The following PHACTR2 variants were observed in gnomAD, a reference collection of about 807,000 sequenced individuals.
The protein encoded by PHACTR2 is phosphatase and actin regulator 2.
PHACTR2 carries 30 observed loss-of-function variants against 76.0 expected under a neutral mutation model. That is an observed-to-expected ratio of 0.39 (90% CI 0.30 to 0.54). The LOEUF is 0.54. PHACTR2 is among the 20% of genes least tolerant of loss of function. The pLI, the probability that PHACTR2 is intolerant of heterozygous loss-of-function variation, is 0.61. For synonymous variants in PHACTR2, 292 were observed against 292.5 expected, an observed-to-expected ratio of 1.00 and a Z score of 0.02; for missense variants, 696 against 781.1, an observed-to-expected ratio of 0.89 and a Z score of 1.30.
chr6:143,790,737 G>C (rs916378563), intron 11 of PHACTR2, among the ~76,000 whole-genome samples: 1 of 149,304 alleles, frequency 6.7e-6, no homozygotes, highest in Non-Finnish European at 1.5e-5. Flanking sequence ...GCTGTGGCTC[G>C]ATCTCAGCTC....
In PHACTR2 at chr6:143,583,623, T is replaced by A. The variant is rs1283911371; in HGVS notation, c.217+46416T>A. Among the ~76,000 whole-genome samples the A allele has an allele frequency of 6.6e-6, 1 of 152,268 alleles. No homozygotes were observed. The highest frequency in any genetic ancestry group is 2.4e-5 in the African/African-American group (1 of 41,476). ...AGAGAGCGAGGGCTAAAGTAGAGAC[T>A]GTAGATATTATGTGCCTAATACTGT... On this transcript the variant is annotated intron_variant, in intron 1 of 11. Transcript: ENST00000367584. This position sits in a 1 kb window ranked among gnomAD's most constrained non-coding sequence, Gnocchi z 4.0.
At chr6:143,651,042 C>CT (rs775498270) in intron 1 of PHACTR2, among the ~76,000 whole-genome samples, 2 of 151,644 alleles carry the variant, frequency 1.3e-5, no homozygotes, top group Admixed American at 6.6e-5. Flanking sequence ...TGAACAGACA[C>CT]TTTTTTTAAA....
At chr6:143,712,239 G>A in intron 2 of PHACTR2, 56 bp downstream of exon 2, 2 of 1,199,524 alleles carry the variant, frequency 1.7e-6, no homozygotes, top group South Asian at 2.5e-5. Context: ...GTTTTAAAAG[G>A]TAGAAAATTA....
intron 11 of PHACTR2, among the ~76,000 whole-genome samples, chr6:143,797,836 C>A (rs987366834): frequency 4.6e-5 from 7 of 152,174 alleles, no homozygotes; most frequent in African/African-American, 1.7e-4. Context: ...TAGCAAGATG[C>A]CTCCAGCTTT....
In PHACTR2 at chr6:143,623,027, G is replaced by C. The variant is rs1776184992; in HGVS notation, c.13+14705G>C. 6.6e-6 allele frequency among the ~76,000 whole-genome samples: 1 copy of C among 152,120 alleles called. No homozygotes were observed. The highest frequency in any genetic ancestry group is 6.5e-5 in the Admixed American group (1 of 15,270). On this transcript the variant is annotated intron_variant, in intron 1 of 11. Coordinates refer to the PHACTR2 transcript ENST00000305766. The surrounding 1 kb of genome is among the most constrained non-coding windows in gnomAD (Gnocchi z 5.9). ...GTGACATTGTTTATCCATTTGCTTT[G>C]AACTTTTCAGATTACCTTCCCTAAC...
chr6:143,552,573 A>G (rs1775108305), intron 1 of PHACTR2, among the ~76,000 whole-genome samples: 1 of 152,180 alleles, frequency 6.6e-6, no homozygotes, highest in South Asian at 2.1e-4. Context: ...TATGGATAAT[A>G]TTAAGCATGT....
chr6:143,814,360 A>G (rs1001623615), intron 12 of PHACTR2, among the ~76,000 whole-genome samples: 1 of 152,144 alleles, frequency 6.6e-6, no homozygotes, highest in Non-Finnish European at 1.5e-5. Flanking sequence ...ATAATAATAA[A>G]TCATAAGGAA....
rs931215088 is a variant in PHACTR2 at position 143,783,393 on chromosome 6, T to C, written c.1707+113T>C. 2 of 630,962 alleles carry C rather than the reference T, an allele frequency of 3.2e-6. No individual in the cohort carries two copies. Among genetic ancestry groups the C allele is most frequent in the Non-Finnish European group, 5.6e-6 (2 of 357,656 alleles). The allele number at this position is 630,962 out of a possible 1,614,324, so 39.1% of individuals were successfully genotyped here. On this transcript the variant is annotated intron_variant, in intron 10 of 12. Coordinates refer to ENST00000440869, the MANE Select transcript of PHACTR2 (RefSeq NM_001100164.2). The surrounding 1 kb of genome is among the most constrained non-coding windows in gnomAD (Gnocchi z 5.2). ...AGATGTTTAGAAATAATTATTCCTA[T>C]TAGTCTATAATCATAGACATCAAAA...
intron 1 of PHACTR2, among the ~76,000 whole-genome samples, chr6:143,705,420 G>C (rs1367428939): frequency 4.7e-5 from 7 of 149,866 alleles, no homozygotes; most frequent in Non-Finnish European, 1.5e-5. Context: ...TCAGCCTCCC[G>C]AGTAGCTGGG....
In PHACTR2 at chr6:143,760,458, C is replaced by T. The variant is rs1562296472; in HGVS notation, c.512C>T (p.Pro171Leu). Reference protein sequence around the residue: ...PAAPALPPSAPPKPRPKPKPK... With the variant: ...PAAPALPPSALPKPRPKPKPK... The stretch of plus-strand genomic sequence containing the variant: ...GCTCCTGCTCTACCTCCTTCTGCTC[C>T]TCCTAAGCCTAGACCCAAACCTAAA... Residue 171 changes from proline (P) to leucine (L), a missense_variant, in exon 5 of 13, where the codon CCT (proline) becomes CTT (leucine). Pro to Leu is a moderately conservative substitution (Grantham distance 98). Coordinates refer to ENST00000440869, the MANE Select transcript of PHACTR2 (RefSeq NM_001100164.2). The surrounding 1 kb of genome is among the most constrained non-coding windows in gnomAD (Gnocchi z 6.4). 6.2e-6 allele frequency: 10 copies of T among 1,613,670 alleles called. No individual in the cohort carries two copies. Among genetic ancestry groups the T allele is most frequent in the Non-Finnish European group, 8.5e-6 (10 of 1,179,640 alleles).
intron 1 of PHACTR2, among the ~76,000 whole-genome samples, chr6:143,612,776 T>G (rs886319450): frequency 8.6e-5 from 13 of 151,666 alleles, no homozygotes; most frequent in African/African-American, 3.1e-4. Flanking sequence ...AGAACAGATT[T>G]TCTTTTAAAT....
Position 143,827,758 on chromosome 6 carries a change from T to C in PHACTR2, c.*4069T>C, listed in dbSNP as rs1462588996. The C allele has an allele frequency of 6.6e-6, 1 of 152,220 alleles. No homozygotes were observed. Among genetic ancestry groups the C allele is most frequent in the Non-Finnish European group, 1.5e-5 (1 of 68,034 alleles). The allele number at this position is 152,220 out of a possible 1,614,324, so 9.4% of individuals were successfully genotyped here. On this transcript the variant is annotated 3_prime_UTR_variant, in exon 13 of 13. Transcript: ENST00000440869. ...CTTGACCTCTTGAAATGGCTAGATC[T>C]TTCACTACTGTGTAGGTAGTCTCTA...
In PHACTR2 at chr6:143,795,582, G is replaced by T. The variant is rs1775805689; in HGVS notation, c.1845+6672G>T. ...AGAGGTGAGGTCAGAGAAGGCCATT[G>T]AATTGGCCTGAAGACCTAGGCTTGC... On this transcript the variant is annotated intron_variant, in intron 11 of 12. Coordinates refer to ENST00000440869, the MANE Select transcript of PHACTR2 (RefSeq NM_001100164.2). This position sits in a 1 kb window ranked among gnomAD's most constrained non-coding sequence, Gnocchi z 4.8. Among the ~76,000 whole-genome samples the T allele has an allele frequency of 6.6e-6, 1 of 152,210 alleles. No homozygotes were observed. Among genetic ancestry groups the T allele is most frequent in the South Asian group, 2.1e-4 (1 of 4,826 alleles).
rs969517244 is a variant in PHACTR2, at chr6:143,725,455, C to T, written c.214+13272C>T. Among the ~76,000 whole-genome samples the T allele has an allele frequency of 8.2e-5, 12 of 146,264 alleles. No individual in the cohort carries two copies. The East Asian group carries it at 2.4e-3, about 29-fold the overall frequency. ...GACCTCGTGATCCGCCCACTTCAGC[C>T]TCCCAAAGTGCTGGGATTACAGGCG... is the stretch of plus-strand genomic sequence containing the variant. On this transcript the variant is annotated intron_variant, in intron 2 of 12. Transcript: ENST00000440869.
rs1413351177 is a variant in PHACTR2, at chr6:143,765,026, AGGACTCTTGTTCCTCTGAGTTT to A, written c.695-234_695-213del. Among the ~76,000 whole-genome samples the A allele has an allele frequency of 1.3e-5, 2 of 152,182 alleles. No individual in the cohort carries two copies. Among genetic ancestry groups the A allele is most frequent in the Non-Finnish European group, 2.9e-5 (2 of 68,030 alleles). ...TAAAGACTAAAGTGAGAGAAGACAG[AGGACTCTTGTTCCTCTGAGTTT>A]TGCCGTAAATATCACTTGCTCCTTG... is the stretch of plus-strand genomic sequence containing the variant. On this transcript the variant is annotated intron_variant, in intron 5 of 12. Transcript: ENST00000440869. The surrounding 1 kb of genome is among the most constrained non-coding windows in gnomAD (Gnocchi z 4.1).
chr6:143,762,542 G>C (rs1779466440), intron 5 of PHACTR2, among the ~76,000 whole-genome samples: 1 of 152,062 alleles, frequency 6.6e-6, no homozygotes, highest in Non-Finnish European at 1.5e-5. Flanking sequence ...ATCAAATATT[G>C]ATAATATCCC....
intron 2 of PHACTR2, among the ~76,000 whole-genome samples, chr6:143,714,480 A>T (rs1292240240): frequency 6.6e-6 from 1 of 152,232 alleles, no homozygotes; most frequent in African/African-American, 2.4e-5. Flanking sequence ...GAAGGGTCCC[A>T]TTCGTGGCCA....
At chr6:143,813,481 G>C (rs995799120) in intron 12 of PHACTR2, among the ~76,000 whole-genome samples, 11 of 152,000 alleles carry the variant, frequency 7.2e-5, no homozygotes, top group Non-Finnish European at 1.3e-4. Flanking sequence ...TAGCTGGCGT[G>C]GTGGTGGGCG....
At chr6:143,600,234 T>C (rs1266756516) in intron 1 of PHACTR2, among the ~76,000 whole-genome samples, 1 of 152,262 alleles carries the variant, frequency 6.6e-6, no homozygotes, top group East Asian at 1.9e-4. Flanking sequence ...TGTATATTCC[T>C]GAAGCAGCTT....
Sources: allele counts gnomAD v4.1 joint callset (sites outside exome capture counted in the v4.1 genomes callset), GRCh38; gene constraint gnomAD v4.1.1; non-coding constraint Gnocchi (gnomAD v3.1); transcripts MANE v1.5; gene names NCBI Gene and HGNC (gene_info 2026-07-23, HGNC 2026-07-21).